MICAL3: variants seen among roughly 807,000 people sequenced by gnomAD.
MICAL3 encodes the protein microtubule associated monooxygenase, calponin and LIM domain containing 3, also known as [F-actin]-monooxygenase MICAL3.
MICAL3 carries 62 observed loss-of-function variants against 207.4 expected under a neutral mutation model. The observed-to-expected ratio is 0.30, with a 90% CI of 0.24 to 0.37. The LOEUF (loss-of-function observed/expected upper bound fraction) is 0.37, where lower values mean the gene tolerates loss of function less well. MICAL3 is among the 10% of genes least tolerant of loss of function. The pLI is 1.00. For synonymous variants in MICAL3, 1,077 were observed against 1,069.3 expected (o/e 1.01, Z -0.14); for missense variants, 2,368 against 2,635.6 (o/e 0.90, Z 2.22).
intron 1 of MICAL3, among the ~76,000 whole-genome samples, chr22:17,957,743 CGAGA>C (rs35596616): frequency 8.2e-4 from 113 of 138,378 alleles, no homozygotes; most frequent in East Asian, 4.1e-3. Context: ...AGAAAGAAAA[CGAGA>C]GAGAGAGAGA....
intron 29 of MICAL3, among the ~76,000 whole-genome samples, chr22:17,804,583 T>C (rs929259119): frequency 6.6e-6 from 1 of 152,236 alleles, no homozygotes; most frequent in Non-Finnish European, 1.5e-5. Context: ...AGCCTGGTAG[T>C]TCCACAGCTG....
intron 1 of MICAL3, among the ~76,000 whole-genome samples, chr22:17,998,821 G>C (rs145562152): frequency 0.013 from 2,025 of 152,144 alleles, 42 homozygotes; most frequent in African/African-American, 0.046. Context: ...CAAAGTGCTG[G>C]GATTACAGGT....
chr22:17,988,611 C>T (rs1232910651), intron 1 of MICAL3, among the ~76,000 whole-genome samples: 2 of 152,128 alleles, frequency 1.3e-5, no homozygotes, highest in African/African-American at 4.8e-5. Flanking sequence ...CCTGCAACCG[C>T]GCCCGGCTAA....
At chr22:17,976,734 A>C (rs899636153) in intron 1 of MICAL3, among the ~76,000 whole-genome samples, 6 of 150,182 alleles carry the variant, frequency 4.0e-5, no homozygotes, top group Admixed American at 4.0e-4. Context: ...CAAAAGCTAT[A>C]ACAGTCACCA....
chr22:17,893,293 G>A (rs533307541), intron 11 of MICAL3, among the ~76,000 whole-genome samples: 7 of 152,204 alleles, frequency 4.6e-5, no homozygotes, highest in Non-Finnish European at 7.4e-5. Context: ...CCCCTCTCAC[G>A]TGTGGCTGAC....
chr22:17,831,181 A>T (rs772912798), intron 21 of MICAL3, among the ~76,000 whole-genome samples: 15 of 152,096 alleles, frequency 9.9e-5, no homozygotes, highest in Non-Finnish European at 1.0e-4. Flanking sequence ...CTCCGTCTTC[A>T]CCACCCCCCA....
intron 19 of MICAL3, chr22:17,861,794 G>T: frequency 1.0e-6 from 1 of 984,852 alleles, no homozygotes; most frequent in Non-Finnish European, 1.2e-6. Context: ...ATTACAAACA[G>T]AAATACTGTA....
At chr22:17,991,271 AAG>A (rs67561512) in intron 1 of MICAL3, among the ~76,000 whole-genome samples, 4,405 of 152,306 alleles carry the variant, frequency 0.029, 87 homozygotes, top group African/African-American at 0.038. Flanking sequence ...TAGGGGGACA[AAG>A]AGGGGCAGGC....
rs576485331 is a variant in MICAL3 at position 17,791,047 on chromosome 22, G to A, written c.5775C>T (p.Asp1925=). The change falls in exon 31 of 32, where the codon GAC becomes GAT. Residue 1925 remains aspartate, a synonymous_variant. Coordinates refer to ENST00000441493, the MANE Select transcript of MICAL3 (RefSeq NM_015241.3). Reference sequence around the variant, plus strand: ...GCTCCTGCTGCAGTCGACTCTGCCGGTCTTCCAGCTCCAGCTCCCGGGCAC... The same window carrying A: ...GCTCCTGCTGCAGTCGACTCTGCCGATCTTCCAGCTCCAGCTCCCGGGCAC... ...MIFARELELE[D]RQSRLQQELR... 9 of 1,612,098 alleles carry A rather than the reference G, an allele frequency of 5.6e-6. No homozygotes were observed. Among genetic ancestry groups the A allele is most frequent in the Admixed American group, 5.0e-5 (3 of 59,984 alleles).
chr22:17,810,508 C>T (rs541549255), intron 28 of MICAL3, among the ~76,000 whole-genome samples, 195 bp downstream of exon 28: 31 of 152,344 alleles, frequency 2.0e-4, no homozygotes, highest in African/African-American at 7.5e-4. Context: ...CTGCTCTTCC[C>T]TTTTGACTGA....
In MICAL3 at chr22:17,789,192, G is replaced by T. The variant is rs992535918; in HGVS notation, c.*1540C>A. The T allele has an allele frequency of 6.7e-5, 7 of 105,160 alleles. No individual in the cohort carries two copies. Among genetic ancestry groups the T allele is most frequent in the African/African-American group, 2.9e-4 (7 of 23,766 alleles). 6.5% of individuals were successfully genotyped at this position (105,160 alleles called of 1,614,324 possible). A position where few individuals can be genotyped will look rare whatever the true frequency, so the allele number is the denominator to read the frequency against. On this transcript the variant is annotated 3_prime_UTR_variant, in exon 32 of 32. Coordinates refer to ENST00000441493, the MANE Select transcript of MICAL3 (RefSeq NM_015241.3). The stretch of plus-strand genomic sequence containing the variant: ...GGTGCCCGTCGCCTTCGGAAGGAAG[G>T]GCGGGAGTCGCTGATCTGCTTGAGA...
chr22:17,915,380 T>C (rs1362088058), intron 1 of MICAL3, among the ~76,000 whole-genome samples: 1 of 152,176 alleles, frequency 6.6e-6, no homozygotes, highest in African/African-American at 2.4e-5. Flanking sequence ...TCCAGGCCAC[T>C]GCACACAGGG....
intron 1 of MICAL3, among the ~76,000 whole-genome samples, chr22:17,975,076 C>T (rs9604816): frequency 0.051 from 7,802 of 152,230 alleles, 383 homozygotes; most frequent in African/African-American, 0.13. Flanking sequence ...CAGCGTGGCA[C>T]AGATTCCAAA....
intron 16 of MICAL3, among the ~76,000 whole-genome samples, chr22:17,877,477 GGGAGGTTATGGAGGTTAGGGAGGTTAT>G: frequency 8.5e-6 from 1 of 116,972 alleles, no homozygotes; most frequent in Non-Finnish European, 1.7e-5. Flanking sequence ...ATGGAGGTTA[GGGAGGTTATGGAGGTTAGGGAGGTTAT>G]GGAGGTTAGG....
chr22:17,845,027 A>G (rs1602038544), intron 19 of MICAL3, among the ~76,000 whole-genome samples: 1 of 152,222 alleles, frequency 6.6e-6, no homozygotes. Flanking sequence ...GGCTGAGGAT[A>G]CACTGTCTGT....
intron 1 of MICAL3, among the ~76,000 whole-genome samples, chr22:17,980,709 A>G (rs1935867850): frequency 6.6e-6 from 1 of 152,238 alleles, no homozygotes; most frequent in South Asian, 2.1e-4. Context: ...TGTGCACTCC[A>G]GCCACACCCA....
At chr22:17,949,732 C>T (rs1384885483) in intron 1 of MICAL3, among the ~76,000 whole-genome samples, 2 of 152,222 alleles carry the variant, frequency 1.3e-5, no homozygotes, top group African/African-American at 2.4e-5. Flanking sequence ...CAAAGGGGTC[C>T]AAACAAAAGA....
rs183932408 is a variant in MICAL3, at chr22:17,884,288, G to T, written c.2241+1590C>A. 1.1e-4 allele frequency: 175 copies of T among 1,589,224 alleles called. 1 individual carries two copies. Among genetic ancestry groups the T allele is most frequent in the Non-Finnish European group, 1.1e-4 (126 of 1,170,816 alleles). On this transcript the variant is annotated intron_variant, in intron 16 of 31. Transcript: ENST00000441493. ...CAGTTCCTTTACCTGTTTCCACCGG[G>T]GGGTGGGGGCAGGGCGAACCTGCCC...
At position 17,791,284 on chromosome 22, in the gene MICAL3, C is replaced by T. The variant is rs192602831; in HGVS notation, c.5668G>A (p.Asp1890Asn). ...AACCACTCCTGCATCAGCTTGGGGT[C>T]GTCCTTCTTGCCCATGCCTGCCGAG... Reference protein sequence around the residue: ...RGEAGMGKKDDPKLMQEWFKL... With the variant: ...RGEAGMGKKDNPKLMQEWFKL... Residue 1890 changes from aspartate (D) to asparagine (N), a missense_variant, in exon 30 of 32, where the codon GAC (aspartate) becomes AAC (asparagine). Around this residue, in one of 4 missense-constraint regions of MICAL3, gnomAD observed 1,770 missense variants for 1,863.2 expected, o/e 0.95. Coordinates refer to ENST00000441493, the MANE Select transcript of MICAL3 (RefSeq NM_015241.3). 1.3e-5 allele frequency: 21 copies of T among 1,613,504 alleles called. No homozygotes were observed. Among genetic ancestry groups the T allele is most frequent in the East Asian group, 4.5e-5 (2 of 44,874 alleles).
Sources: allele counts gnomAD v4.1 joint callset (sites outside exome capture counted in the v4.1 genomes callset), GRCh38; gene constraint gnomAD v4.1.1; regional missense constraint gnomAD v4.1.1; transcripts MANE v1.5; gene names NCBI Gene and HGNC (gene_info 2026-07-23, HGNC 2026-07-21).